Variants in CACNA1C observed in about 807,000 individuals in gnomAD.
CACNA1C encodes the protein voltage-dependent L-type calcium channel subunit alpha-1C.
Under a neutral mutation model 229.0 loss-of-function variants are expected in CACNA1C, and 30 were observed. The ratio of observed to expected loss-of-function variants is 0.13; its 90% confidence interval spans 0.10 to 0.18. CACNA1C has a LOEUF of 0.18. CACNA1C is among the 10% of genes least tolerant of loss of function. The probability of loss-of-function intolerance (pLI) is 1.00; values close to 1 mark genes in which losing one functional copy is unlikely to be tolerated. For synonymous variants in CACNA1C, 1,114 were observed against 1,132.5 expected, an observed-to-expected ratio of 0.98 and a Z score of 0.33; for missense variants, 1,658 against 2,845.0, an observed-to-expected ratio of 0.58 and a Z score of 9.49.
intron 7 of CACNA1C, among the ~76,000 whole-genome samples, chr12:2,502,540 A>C (rs1197407067): frequency 6.6e-6 from 1 of 152,254 alleles, no homozygotes; most frequent in African/African-American, 2.4e-5. Context: ...AAGTGGGCAC[A>C]CACTGGGAAT....
chr12:2,580,494 G>A (rs943428647), intron 13 of CACNA1C, among the ~76,000 whole-genome samples: 3 of 152,148 alleles, frequency 2.0e-5, no homozygotes, highest in Non-Finnish European at 4.4e-5. Context: ...GAGGCAGGTG[G>A]GCCAGAGGGG....
intron 18 of CACNA1C, among the ~76,000 whole-genome samples, chr12:2,586,430 A>G (rs2062490805): frequency 6.6e-6 from 1 of 152,090 alleles, no homozygotes; most frequent in Non-Finnish European, 1.5e-5. Context: ...CTGATACCTA[A>G]ATTGGCAGGC....
intron 7 of CACNA1C, among the ~76,000 whole-genome samples, chr12:2,503,686 G>A (rs2099765546): frequency 2.6e-5 from 4 of 152,194 alleles, no homozygotes; most frequent in Admixed American, 2.0e-4. Context: ...TCAGCCCCCA[G>A]GAGCCAGCTC....
At chr12:2,361,204 T>C (rs948331181) in intron 3 of CACNA1C, among the ~76,000 whole-genome samples, 2 of 152,110 alleles carry the variant, frequency 1.3e-5, no homozygotes, top group African/African-American at 4.8e-5. Flanking sequence ...AATTTTAATT[T>C]TGCTTCTAAC....
intron 13 of CACNA1C, among the ~76,000 whole-genome samples, chr12:2,577,637 A>G (rs1014893839): frequency 3.2e-4 from 48 of 152,214 alleles, no homozygotes; most frequent in Admixed American, 1.3e-4. Flanking sequence ...ACACACATGC[A>G]CAGAAGCACC....
In CACNA1C at chr12:2,473,157, G is replaced by A. The variant is rs540708392; in HGVS notation, c.758-12947G>A. On this transcript the variant is annotated intron_variant, in intron 5 of 46. Transcript: ENST00000399655. ...CTTTTTCCCCAGCACTGATTAACCT[G>A]TACCATCTCTTTTCTGCTGTCAACC... 2.6e-5 allele frequency among the ~76,000 whole-genome samples: 4 copies of A among 152,256 alleles called. No individual in the cohort carries two copies. In the South Asian group the frequency reaches 6.2e-4, roughly 24 times the overall value.
chr12:2,277,352 CAG>C (rs1435777826), intron 3 of CACNA1C, among the ~76,000 whole-genome samples: 25 of 80,118 alleles, frequency 3.1e-4, no homozygotes, highest in Admixed American at 1.0e-3. Context: ...GACAGACAGA[CAG>C]ACAGACAGAC....
chr12:1,990,799 A>T (rs192639137), intron 1 of CACNA1C, among the ~76,000 whole-genome samples: 1 of 152,324 alleles, frequency 6.6e-6, no homozygotes, highest in Non-Finnish European at 1.5e-5. Context: ...CATGTAAACC[A>T]TACATAATTA....
intron 38 of CACNA1C, 188 bp from the exon 39 acceptor site, chr12:2,674,353 C>G: frequency 1.3e-6 from 1 of 778,782 alleles, no homozygotes; most frequent in South Asian, 2.1e-5. Flanking sequence ...GGAAGGTGGA[C>G]AGAGGAAGGG....
At chr12:2,435,002 T>TACA (rs1257262243) in intron 3 of CACNA1C, among the ~76,000 whole-genome samples, 42 of 152,252 alleles carry the variant, frequency 2.8e-4, no homozygotes, top group Non-Finnish European at 5.9e-5. Flanking sequence ...AGGTCCCAGA[T>TACA]ACAACATCCT....
chr12:2,609,308 G>A lies in CACNA1C; in HGVS notation c.3558+596G>A, dbSNP rs1448891085. On this transcript the variant is annotated intron_variant, in intron 27 of 46. Transcript: ENST00000399655. ...GAGGTAGATGTAGTGCCTCAGGTCT[G>A]TTCCCTAGCTCGGCTCCCACTGGGA... Among the ~76,000 whole-genome samples, 4 of 152,022 alleles carry A rather than the reference G, an allele frequency of 2.6e-5. No homozygotes were observed. In the East Asian group the frequency reaches 7.7e-4, roughly 29 times the overall value.
rs960321585 is a variant in CACNA1C, at chr12:2,605,488, C to T, written c.3049-191C>T. On this transcript the variant is annotated intron_variant, in intron 23 of 46. Transcript: ENST00000399655. The surrounding 1 kb of genome is among the most constrained non-coding windows in gnomAD (Gnocchi z 6.2). The stretch of plus-strand genomic sequence containing the variant: ...GGCAGGACTTTTGTCCTTGTAGTCA[C>T]GGAGAGTCCAGTGGGGGCCTTTGCA... Among the ~76,000 whole-genome samples the T allele has an allele frequency of 2.0e-5, 3 of 152,138 alleles. No homozygotes were observed. The highest frequency in any genetic ancestry group is 4.4e-5 in the Non-Finnish European group (3 of 68,030).
chr12:2,534,059 C>T, intron 9 of CACNA1C, among the ~76,000 whole-genome samples: 1 of 152,076 alleles, frequency 6.6e-6, no homozygotes, highest in Non-Finnish European at 1.5e-5. Flanking sequence ...TGGAGATGGT[C>T]GGAGTTGGAG....
chr12:2,545,183 A>C (rs1185490289), intron 9 of CACNA1C, among the ~76,000 whole-genome samples: 1 of 151,686 alleles, frequency 6.6e-6, no homozygotes, highest in Non-Finnish European at 1.5e-5. Flanking sequence ...GTTGAGTACA[A>C]TAAGAGAAGG....
At chr12:2,265,692 G>C (rs1474786701) in intron 3 of CACNA1C, among the ~76,000 whole-genome samples, 1 of 152,228 alleles carries the variant, frequency 6.6e-6, no homozygotes, top group African/African-American at 2.4e-5. Context: ...AACCCATGGT[G>C]CAATGGAATG....
At chr12:2,272,575 A>G (rs1342982541) in intron 3 of CACNA1C, among the ~76,000 whole-genome samples, 2 of 152,224 alleles carry the variant, frequency 1.3e-5, no homozygotes, top group Non-Finnish European at 2.9e-5. Context: ...AGAAAGGCTG[A>G]ACTTCCTGGA....
chr12:2,569,161 C>T (rs2052953106), intron 13 of CACNA1C, among the ~76,000 whole-genome samples: 1 of 152,186 alleles, frequency 6.6e-6, no homozygotes, highest in Admixed American at 6.5e-5. Flanking sequence ...CAGGCCATCT[C>T]CCTCACTGTC....
chr12:2,248,714 C>T (rs887223290), intron 3 of CACNA1C, among the ~76,000 whole-genome samples: 29 of 152,198 alleles, frequency 1.9e-4, no homozygotes, highest in African/African-American at 6.8e-4. Context: ...AAGAAGTAAC[C>T]GAAAGACAGG....
At chr12:2,199,288 G>A (rs1332626014) in intron 3 of CACNA1C, among the ~76,000 whole-genome samples, 3 of 152,086 alleles carry the variant, frequency 2.0e-5, no homozygotes, top group African/African-American at 2.4e-5. Context: ...TCACTTACAC[G>A]TGGATTTCCT....
Sources: gnomAD v4.1 joint callset for allele counts (sites outside exome capture counted in the v4.1 genomes callset) on GRCh38, gnomAD v4.1.1 for gene constraint, Gnocchi (gnomAD v3.1) non-coding constraint, MANE v1.5 for transcripts, NCBI Gene and HGNC (gene_info 2026-07-23, HGNC 2026-07-21) for gene names.